NRXN3: variants seen among roughly 807,000 people sequenced by gnomAD.
NRXN3 encodes neurexin III.
Under a neutral mutation model 137.6 loss-of-function variants are expected in NRXN3, and 32 were observed. The observed-to-expected ratio is 0.23, with a 90% CI of 0.18 to 0.31. The LOEUF (loss-of-function observed/expected upper bound fraction) is 0.31, where lower values mean the gene tolerates loss of function less well. NRXN3 is among the 10% of genes least tolerant of loss of function. The pLI, the probability that NRXN3 is intolerant of heterozygous loss-of-function variation, is 1.00. For synonymous variants in NRXN3, 798 were observed against 784.5 expected, an observed-to-expected ratio of 1.02 and a Z score of -0.29; for missense variants, 1,574 against 2,062.5, an observed-to-expected ratio of 0.76 and a Z score of 4.59.
At chr14:78,310,960 A>G (rs1041425003) in intron 4 of NRXN3, among the ~76,000 whole-genome samples, 5 of 152,192 alleles carry the variant, frequency 3.3e-5, no homozygotes, top group African/African-American at 1.2e-4. Context: ...ATTAACAACA[A>G]ACATCAGTTA....
chr14:78,805,924 TCA>T (rs924026439), intron 9 of NRXN3, among the ~76,000 whole-genome samples: 1 of 151,448 alleles, frequency 6.6e-6, no homozygotes, highest in East Asian at 1.9e-4. Flanking sequence ...ATTCTCTCTC[TCA>T]CACACACACA....
intron 1 of NRXN3, among the ~76,000 whole-genome samples, chr14:78,176,957 T>C (rs1223230467): frequency 5.3e-5 from 8 of 152,026 alleles, no homozygotes; most frequent in African/African-American, 1.9e-4. Context: ...ATATTCCAGC[T>C]GAGTGGTGGT....
rs187882963 is a variant in NRXN3 at position 78,332,225 on chromosome 14, C to T, written c.757+34365C>T. ...GGCAAACCCTCGATAAATATCTTTT[C>T]CCTTATCTCCCTTCAATTCTTTTCT... is the stretch of plus-strand genomic sequence containing the variant. On this transcript the variant is annotated intron_variant, in intron 4 of 20. Coordinates refer to ENST00000335750, the MANE Select transcript of NRXN3 (RefSeq NM_001330195.2). 1.4e-3 allele frequency among the ~76,000 whole-genome samples: 213 copies of T among 152,186 alleles called. 2 individuals are homozygous for T. Among genetic ancestry groups the T allele is most frequent in the Non-Finnish European group, 1.3e-4 (9 of 67,978 alleles).
rs74907461 is a variant in NRXN3, at chr14:78,586,364, A to G, written c.758-58756A>G. On this transcript the variant is annotated intron_variant, in intron 4 of 20. Transcript: ENST00000335750. ...AAGAGTGCCAAGAGTTCTGCATTGAAGGAAAGATGGTGCCAGGGTTTGAAC... is the reference window on the plus strand; with the variant it reads ...AAGAGTGCCAAGAGTTCTGCATTGAGGGAAAGATGGTGCCAGGGTTTGAAC... 2.4e-4 allele frequency among the ~76,000 whole-genome samples: 36 copies of G among 152,330 alleles called. No homozygotes were observed. In the East Asian group the frequency reaches 4.8e-3, roughly 20 times the overall value.
chr14:79,401,046 A>G (rs1012906160), intron 15 of NRXN3, among the ~76,000 whole-genome samples: 31 of 152,352 alleles, frequency 2.0e-4, no homozygotes, highest in Non-Finnish European at 3.7e-4. Context: ...GCAGGAACAC[A>G]CAGGCAGAGT....
intron 19 of NRXN3, among the ~76,000 whole-genome samples, chr14:79,702,748 C>A (rs367778931): frequency 6.6e-6 from 1 of 152,012 alleles, no homozygotes; most frequent in Admixed American, 6.6e-5. Flanking sequence ...TGCACAAACA[C>A]TTCCTCTACA....
intron 15 of NRXN3, among the ~76,000 whole-genome samples, chr14:79,186,194 G>A (rs1424996865): frequency 6.6e-6 from 1 of 151,694 alleles, no homozygotes; most frequent in Non-Finnish European, 1.5e-5. Context: ...CCATGTTAAT[G>A]GTTCAACATG....
chr14:78,248,428 CTT>C (rs1046772039), intron 2 of NRXN3, among the ~76,000 whole-genome samples: 1 of 143,466 alleles, frequency 7.0e-6, no homozygotes, highest in Non-Finnish European at 1.5e-5. Context: ...ATTTCAATTT[CTT>C]TTTTTTTTTA....
chr14:79,018,152 C>A (rs746298188), intron 15 of NRXN3, among the ~76,000 whole-genome samples: 2 of 150,248 alleles, frequency 1.3e-5, no homozygotes, highest in African/African-American at 2.5e-5. Flanking sequence ...CCCAGCTACT[C>A]GGGAGGCTGA....
intron 15 of NRXN3, among the ~76,000 whole-genome samples, chr14:79,076,765 T>G (rs115166332): frequency 0.012 from 1,782 of 152,268 alleles, 31 homozygotes; most frequent in African/African-American, 0.037. Context: ...CCTTATAGAC[T>G]GCCTTACACA....
At chr14:79,595,273 A>C (rs963298334) in intron 16 of NRXN3, among the ~76,000 whole-genome samples, 1 of 152,194 alleles carries the variant, frequency 6.6e-6, no homozygotes, top group Non-Finnish European at 1.5e-5. Flanking sequence ...CAATCATCAA[A>C]AGATAAAAGG....
At chr14:79,615,936 G>A (rs2098150143) in intron 16 of NRXN3, among the ~76,000 whole-genome samples, 1 of 152,126 alleles carries the variant, frequency 6.6e-6, no homozygotes, top group South Asian at 2.1e-4. Flanking sequence ...TCTTAAGAAT[G>A]AGGAAACTGA....
chr14:78,385,233 G>A (rs2089770097), intron 4 of NRXN3, among the ~76,000 whole-genome samples: 2 of 151,428 alleles, frequency 1.3e-5, no homozygotes, highest in African/African-American at 4.9e-5. Context: ...GGATAATAGG[G>A]CTATGGGCAA....
At chr14:78,980,706 A>G (rs139525019) in intron 14 of NRXN3, among the ~76,000 whole-genome samples, 116 of 152,310 alleles carry the variant, frequency 7.6e-4, no homozygotes, top group Middle Eastern at 3.4e-3. Context: ...TGATAAATAA[A>G]ATGATAAGGG....
intron 4 of NRXN3, among the ~76,000 whole-genome samples, chr14:78,299,459 GCCCCTCCTACATTCTTTTTT>G (rs145127727): frequency 0.81 from 121,135 of 149,092 alleles, 49,745 homozygotes; most frequent in African/African-American, 0.92. Context: ...GTCCCAATAA[GCCCCTCCTACATTCTTTTTT>G]CCCCTCCTAC....
intron 15 of NRXN3, chr14:79,201,314 C>G (rs1018576741): frequency 4.6e-5 from 7 of 151,984 alleles, no homozygotes; most frequent in Admixed American, 4.6e-4. Flanking sequence ...ATTGCCAATG[C>G]GTGGCACATA....
At chr14:78,171,701 G>A (rs1050560029) in intron 1 of NRXN3, among the ~76,000 whole-genome samples, 1 of 144,494 alleles carries the variant, frequency 6.9e-6, no homozygotes. Flanking sequence ...CTAAGGGCTC[G>A]GCTGCTTTGC....
chr14:79,049,098 T>TAATAATTAATAATAC, intron 15 of NRXN3, among the ~76,000 whole-genome samples: 1 of 102,308 alleles, frequency 9.8e-6, no homozygotes, highest in African/African-American at 4.1e-5. Flanking sequence ...AATAATAATA[T>TAATAATTAATAATAC]GATGGGGTGT....
At chr14:78,226,073 C>T (rs1020186439) in intron 1 of NRXN3, among the ~76,000 whole-genome samples, 6 of 151,678 alleles carry the variant, frequency 4.0e-5, no homozygotes, top group Middle Eastern at 3.4e-3. Flanking sequence ...GCCTGATCTC[C>T]GCTCACTGCA....
Sources: gnomAD v4.1 joint callset for allele counts (sites outside exome capture counted in the v4.1 genomes callset) on GRCh38, gnomAD v4.1.1 for gene constraint, MANE v1.5 for transcripts, NCBI Gene and HGNC (gene_info 2026-07-23, HGNC 2026-07-21) for gene names.